The following GUCY1A2 variants were observed in gnomAD, a reference collection of about 807,000 sequenced individuals.
GUCY1A2 encodes guanylate cyclase 1 soluble subunit alpha 2, also known as guanylate cyclase soluble subunit alpha-2.
In GUCY1A2, 27 loss-of-function variants were observed where a neutral mutation model predicts 63.5. That is an observed-to-expected ratio of 0.43 (90% CI 0.31 to 0.59). GUCY1A2 has a LOEUF of 0.59. Among genes scored for constraint, GUCY1A2 ranks in the 20% least tolerant of loss-of-function variants. The pLI is 0.11. For synonymous variants in GUCY1A2, 364 were observed against 343.5 expected (o/e 1.06, Z -0.66); for missense variants, 768 against 913.3 (o/e 0.84, Z 2.05).
At chr11:106,741,249 T>C (rs1042968723) in intron 6 of GUCY1A2, among the ~76,000 whole-genome samples, 27 of 152,242 alleles carry the variant, frequency 1.8e-4, no homozygotes, top group Admixed American at 4.6e-4. Flanking sequence ...AATATTCTTA[T>C]TTTGGAGAAA....
rs1025828636 is a variant in GUCY1A2 at position 106,939,952 on chromosome 11, G to A, written c.714C>T (p.His238=). Reference sequence around the variant, plus strand: ...CCACAATATGGTGAGGGTGGAAGTAGTGGAGCATGAGAGTACCTTCAGGGA... The same window carrying A: ...CCACAATATGGTGAGGGTGGAAGTAATGGAGCATGAGAGTACCTTCAGGGA... ...KELPEGTLML[H]YFHPHHIVGF... is the part of the protein sequence containing the mutation. The change falls in exon 4 of 8, where the codon CAC becomes CAT. Residue 238 remains histidine (H), a synonymous_variant. Coordinates refer to ENST00000526355, the MANE Select transcript of GUCY1A2 (RefSeq NM_000855.3). The A allele has an allele frequency of 3.7e-6, 6 of 1,613,882 alleles. No homozygotes were observed. Among genetic ancestry groups the A allele is most frequent in the Non-Finnish European group, 5.1e-6 (6 of 1,179,804 alleles).
intron 4 of GUCY1A2, among the ~76,000 whole-genome samples, chr11:106,919,435 T>A (rs1298507147): frequency 6.6e-6 from 1 of 152,178 alleles, no homozygotes; most frequent in Admixed American, 6.6e-5. Flanking sequence ...ACTAATTTAA[T>A]TGTGATAATC....
intron 3 of GUCY1A2, among the ~76,000 whole-genome samples, chr11:106,965,438 T>A (rs1289089766): frequency 1.3e-5 from 2 of 152,208 alleles, no homozygotes; most frequent in East Asian, 1.9e-4. Flanking sequence ...TATGTACTTA[T>A]GTATATAGGC....
At chr11:106,826,849 G>A in intron 4 of GUCY1A2, 1 of 1,606,004 alleles carries the variant, frequency 6.2e-7, no homozygotes. Flanking sequence ...ATCAGGAAGG[G>A]ATGTGTGCAT....
At position 106,939,486 on chromosome 11, in the gene GUCY1A2, C is replaced by T. The variant is rs781319585; in HGVS notation, c.1180G>A (p.Ala394Thr). The T allele has an allele frequency of 3.8e-6, 6 of 1,597,704 alleles. No homozygotes were observed. In the East Asian group the frequency reaches 6.8e-5, roughly 18 times the overall value. Residue 394 changes from alanine to threonine, a missense_variant, in exon 4 of 8, where the codon GCT becomes ACT. Ala to Thr is a moderately conservative substitution (Grantham distance 58, BLOSUM62 0). This residue lies in a region of GUCY1A2 where 122 missense variants were observed against 238.1 expected (regional missense o/e 0.51). Coordinates refer to ENST00000526355, the MANE Select transcript of GUCY1A2 (RefSeq NM_000855.3). ...TPFVIRTKPE[A>T]SGSENKDKVM... ...TTGTCTTTATTTTCAGAGCCAGAAG[C>T]CTCAGGCTTGGTTCTAATCACAAAC...
intron 5 of GUCY1A2, among the ~76,000 whole-genome samples, chr11:106,796,869 T>G (rs940142913): frequency 2.0e-5 from 3 of 152,188 alleles, no homozygotes; most frequent in Admixed American, 1.3e-4. Context: ...CTGCAGAGTC[T>G]TTTCCAACGT....
At chr11:106,920,613 GT>G (rs990194025) in intron 4 of GUCY1A2, among the ~76,000 whole-genome samples, 5 of 151,976 alleles carry the variant, frequency 3.3e-5, no homozygotes, top group African/African-American at 1.2e-4. Flanking sequence ...ATTTCCATTT[GT>G]TTAAACATTT....
rs558843011 is a variant in GUCY1A2, at chr11:106,827,214, T to C, written c.1207-16736A>G. The C allele has an allele frequency of 4.3e-5, 65 of 1,523,612 alleles. No homozygotes were observed. The African/African-American group carries it at 6.4e-4, about 15-fold the overall frequency. The allele number at this position is 1,523,612 out of a possible 1,614,324, so 94.4% of individuals were successfully genotyped here. On this transcript the variant is annotated intron_variant, in intron 4 of 7. Coordinates refer to ENST00000526355, the MANE Select transcript of GUCY1A2 (RefSeq NM_000855.3). ...CCAACGCACTGCCTACATTATCTGA[T>C]TTAGATTTGCTTCTAGCTTCCTTTT...
At chr11:106,787,373 T>A (rs533130451) in intron 5 of GUCY1A2, among the ~76,000 whole-genome samples, 1 of 148,058 alleles carries the variant, frequency 6.8e-6, no homozygotes, top group African/African-American at 2.5e-5. Context: ...TTTTTACATT[T>A]TAGTTTCCAC....
intron 6 of GUCY1A2, among the ~76,000 whole-genome samples, chr11:106,723,653 T>C (rs1240825087): frequency 6.6e-6 from 1 of 152,140 alleles, no homozygotes; most frequent in Non-Finnish European, 1.5e-5. Context: ...CAAAGCCCTG[T>C]CTCTATTAAA....
chr11:106,897,218 G>C (rs375782875), intron 4 of GUCY1A2, among the ~76,000 whole-genome samples: 1 of 152,094 alleles, frequency 6.6e-6, no homozygotes, highest in African/African-American at 2.4e-5. Flanking sequence ...AGTGGAGAGA[G>C]AGTCTATGTT....
intron 4 of GUCY1A2, among the ~76,000 whole-genome samples, chr11:106,935,034 C>T (rs1860657207): frequency 6.6e-6 from 1 of 152,016 alleles, no homozygotes. Context: ...TGACAGAGAC[C>T]AGAGATTTTA....
intron 4 of GUCY1A2, among the ~76,000 whole-genome samples, chr11:106,914,617 C>A (rs1307975429): frequency 6.7e-6 from 1 of 150,062 alleles, no homozygotes. Flanking sequence ...ATAATAATCA[C>A]AAGGAAATAA....
chr11:106,858,415 T>C (rs1859465994), intron 4 of GUCY1A2, among the ~76,000 whole-genome samples: 1 of 152,124 alleles, frequency 6.6e-6, no homozygotes, highest in South Asian at 2.1e-4. Context: ...TCATCATATA[T>C]TTAGTGAGTT....
intron 5 of GUCY1A2, among the ~76,000 whole-genome samples, chr11:106,797,056 G>T (rs564571449): frequency 6.6e-6 from 1 of 152,130 alleles, no homozygotes; most frequent in African/African-American, 2.4e-5. Context: ...CTTTCTTCCA[G>T]TTGATCAAAT....
intron 3 of GUCY1A2, among the ~76,000 whole-genome samples, chr11:106,957,058 A>G (rs528449460): frequency 2.4e-4 from 36 of 152,318 alleles, no homozygotes; most frequent in African/African-American, 8.4e-4. Flanking sequence ...GAGGCACTCT[A>G]GCCGCAGACT....
At chr11:106,985,456 A>T (rs1162334510) in intron 2 of GUCY1A2, among the ~76,000 whole-genome samples, 2 of 152,216 alleles carry the variant, frequency 1.3e-5, no homozygotes, top group African/African-American at 2.4e-5. Context: ...TAATCATTAC[A>T]TCTAATCCTT....
rs559434713 is a variant in GUCY1A2, at chr11:106,956,289, G to A, written c.488-16111C>T. Among the ~76,000 whole-genome samples, 7 of 151,930 alleles carry A rather than the reference G, an allele frequency of 4.6e-5. 1 individual carries two copies. The South Asian group carries it at 8.3e-4, about 18-fold the overall frequency. ...TTCTGAAGCCTACTTCTGTCAATCC[G>A]TCCATCTGATCCTCCCTCCAGTTCT... On this transcript the variant is annotated intron_variant, in intron 3 of 7. Coordinates refer to ENST00000526355, the MANE Select transcript of GUCY1A2 (RefSeq NM_000855.3).
rs1863776795 is a variant in GUCY1A2 at position 106,745,776 on chromosome 11, A to G, written c.1836+30663T>C. On this transcript the variant is annotated intron_variant, in intron 6 of 7. Coordinates refer to ENST00000526355, the MANE Select transcript of GUCY1A2 (RefSeq NM_000855.3). ...ATGATGTCTTGCAACTGGATAACAC[A>G]TTTTATCTTTTGCCATGAATTCTTC... Among the ~76,000 whole-genome samples the G allele has an allele frequency of 3.3e-5, 5 of 152,158 alleles. No homozygotes were observed. The South Asian group carries it at 1.0e-3, about 32-fold the overall frequency.
Sources: allele counts gnomAD v4.1 joint callset (sites outside exome capture counted in the v4.1 genomes callset), GRCh38; gene constraint gnomAD v4.1.1; regional missense constraint gnomAD v4.1.1; transcripts MANE v1.5; gene names NCBI Gene and HGNC (gene_info 2026-07-23, HGNC 2026-07-21).